Variants in TXNRD3 observed in about 807,000 individuals in gnomAD.
TXNRD3 encodes the protein thioredoxin reductase 3, also known as TXNRD3 neighbor gene protein.
A neutral mutation model predicts 78.2 loss-of-function variants in TXNRD3; 68 were observed. The ratio of observed to expected loss-of-function variants is 0.87; its 90% CI spans 0.72 to 1.06. TXNRD3 has a LOEUF of 1.06. Ranked by LOEUF, TXNRD3 falls within the 50% of genes least tolerant of loss-of-function variation. The pLI is 0.00. For missense variants in TXNRD3, 751 were observed against 809.5 expected (o/e 0.93, Z 0.88); for synonymous variants, 296 against 300.1 (o/e 0.99, Z 0.14).
intron 14 of TXNRD3, chr3:126,609,017 C>T: frequency 4.0e-6 from 1 of 247,158 alleles, no homozygotes. Context: ...TAAGAGGTTG[C>T]TGGCCCAGGA....
intron 6 of TXNRD3, among the ~76,000 whole-genome samples, chr3:126,641,562 C>A (rs535251030): frequency 6.6e-6 from 1 of 152,174 alleles, no homozygotes; most frequent in Non-Finnish European, 1.5e-5. Flanking sequence ...CTCTCTCCCA[C>A]GGACTACATG....
At position 126,636,929 on chromosome 3, in the gene TXNRD3, T is replaced by TTA. The variant is rs553696030; in HGVS notation, c.713-2879_713-2878insTA. ...AAACATGAGGTTTCTTTTGTGATTT[T>TTA]TTTTTTTTTTTAGCTCATCAGCTAT... On this transcript the variant is annotated intron_variant, in intron 6 of 15. Transcript: ENST00000524230. Among the ~76,000 whole-genome samples the TTA allele has an allele frequency of 2.6e-3, 396 of 151,970 alleles. 2 individuals carry two copies. The highest frequency in any genetic ancestry group is 9.2e-3 in the African/African-American group (383 of 41,434).
chr3:126,640,219 C>T (rs1156314765), intron 6 of TXNRD3, among the ~76,000 whole-genome samples: 1 of 41,762 alleles, frequency 2.4e-5, no homozygotes, highest in African/African-American at 5.0e-5. Context: ...ATTCTCCTGC[C>T]TCAGCCTCCC....
intron 13 of TXNRD3, among the ~76,000 whole-genome samples, chr3:126,613,026 C>T (rs1339840043): frequency 2.0e-5 from 3 of 152,200 alleles, no homozygotes; most frequent in Non-Finnish European, 2.9e-5. Context: ...CATGTGATAA[C>T]ATTTCATATT....
chr3:126,610,585 C>T (rs779339998), intron 14 of TXNRD3, among the ~76,000 whole-genome samples: 11 of 152,198 alleles, frequency 7.2e-5, no homozygotes, highest in Non-Finnish European at 1.6e-4. Context: ...GACACACATT[C>T]AGTCTGTTTA....
chr3:126,632,031 A>G, intron 7 of TXNRD3, among the ~76,000 whole-genome samples, 152 bp from the exon 8 acceptor site: 1 of 152,258 alleles, frequency 6.6e-6, no homozygotes, highest in South Asian at 2.1e-4. Context: ...GCACAAGCAC[A>G]GAAAACAGAA....
intron 6 of TXNRD3, among the ~76,000 whole-genome samples, chr3:126,637,559 G>T: frequency 6.6e-6 from 1 of 151,682 alleles, no homozygotes; most frequent in African/African-American, 2.4e-5. Context: ...ATTTTAAATA[G>T]GAAATTCTTA....
Position 126,630,703 on chromosome 3 carries a change from C to A in TXNRD3, c.1197+9G>T. On this transcript the variant is annotated intron_variant, in intron 9 of 15. Coordinates refer to ENST00000524230, the MANE Select transcript of TXNRD3 (RefSeq NM_052883.3). The stretch of plus-strand genomic sequence containing the variant: ...GAGAAAAAAAATTGCAAATGCCATG[C>A]AGCCTTACCATCACAGGTATGAATT... 2.0e-6 allele frequency: 3 copies of A among 1,533,652 alleles called. No homozygotes were observed. Among genetic ancestry groups the A allele is most frequent in the Non-Finnish European group, 2.6e-6 (3 of 1,146,482 alleles).
At chr3:126,634,280 C>T (rs186405234) in intron 6 of TXNRD3, among the ~76,000 whole-genome samples, 178 of 152,178 alleles carry the variant, frequency 1.2e-3, no homozygotes, top group Non-Finnish European at 2.1e-3. Context: ...GGGAAAAGTC[C>T]ATGGAGGAGA....
intron 6 of TXNRD3, among the ~76,000 whole-genome samples, chr3:126,641,222 G>C (rs1187151920): frequency 6.6e-6 from 1 of 152,100 alleles, no homozygotes; most frequent in Non-Finnish European, 1.5e-5. Context: ...TCTTTAGGGA[G>C]TTTTTTTCTG....
chr3:126,608,582 G>A lies in TXNRD3; in HGVS notation c.1780C>T (p.Gln594Ter). The A allele has an allele frequency of 6.5e-7, 1 of 1,535,904 alleles. No individual in the cohort carries two copies. Among genetic ancestry groups the A allele is most frequent in the Non-Finnish European group, 8.7e-7 (1 of 1,146,848 alleles). Residue 594 changes from glutamine to a stop codon, truncating the protein, a stop_gained, in exon 15 of 16, where the codon CAA becomes TAA. Coordinates refer to ENST00000524230, the MANE Select transcript of TXNRD3 (RefSeq NM_052883.3). LOFTEE classifies it high-confidence loss of function. ...CATTTCATTGCAGCTGCAAATCCTT[G>A]GGTAACCTCACCGGCGTTTGGTCCA...
At chr3:126,634,753 C>A (rs1210661111) in intron 6 of TXNRD3, among the ~76,000 whole-genome samples, 1 of 152,106 alleles carries the variant, frequency 6.6e-6, no homozygotes, top group African/African-American at 2.4e-5. Context: ...CAGGGGTCAG[C>A]CCAGCCAGGG....
intron 3 of TXNRD3, among the ~76,000 whole-genome samples, chr3:126,645,145 T>C (rs542837202): frequency 6.6e-6 from 1 of 152,214 alleles, no homozygotes; most frequent in African/African-American, 2.4e-5. Context: ...CCAAATGCCA[T>C]GTGTCCCCAT....
intron 13 of TXNRD3, among the ~76,000 whole-genome samples, chr3:126,614,609 T>C (rs1036964635): frequency 6.6e-6 from 1 of 152,150 alleles, no homozygotes; most frequent in African/African-American, 2.4e-5. Flanking sequence ...AAAATAACAT[T>C]ATAAAGTTTT....
intron 10 of TXNRD3, among the ~76,000 whole-genome samples, chr3:126,626,946 G>A (rs527908624): frequency 1.3e-5 from 2 of 152,160 alleles, no homozygotes; most frequent in Non-Finnish European, 2.9e-5. Flanking sequence ...AAATTAGCCA[G>A]GCATGGTGGC....
chr3:126,654,903 C>T lies in TXNRD3; in HGVS notation c.88G>A (p.Val30Met), dbSNP rs1933477542. Residue 30 changes from valine to methionine, a missense_variant, in exon 1 of 16, where the codon GTG becomes ATG. Transcript: ENST00000524230. ...GCACGGCGCCCCGGCGGCGACAACA[C>T]GCGCGCCCCTCGGACATGGCCCGAG... The T allele has an allele frequency of 1.5e-6, 2 of 1,312,444 alleles. No homozygotes were observed. The highest frequency in any genetic ancestry group is 4.2e-5 in the Admixed American group (1 of 23,808). 81.3% of individuals were successfully genotyped at this position (1,312,444 alleles called of 1,614,324 possible). A position where few individuals can be genotyped will look rare whatever the true frequency, so the allele number is the denominator to read the frequency against.
At chr3:126,629,511 G>T in intron 9 of TXNRD3, 40 bp from the exon 10 acceptor site, 1 of 1,449,556 alleles carries the variant, frequency 6.9e-7, no homozygotes, top group South Asian at 1.2e-5. Flanking sequence ...ATCTAAATAT[G>T]ATAAAAAAGA....
chr3:126,629,534 G>T, intron 9 of TXNRD3, 63 bp from the exon 10 acceptor site: 1 of 1,220,568 alleles, frequency 8.2e-7, no homozygotes, highest in Admixed American at 2.1e-5. Flanking sequence ...TACACGAAAG[G>T]GTCTACACCG....
Position 126,629,415 on chromosome 3 carries a change from A to C in TXNRD3, c.1254T>G (p.Thr418=). The change falls in exon 10 of 16, where the codon ACT becomes ACG. Residue 418 remains threonine (T), a synonymous_variant. Transcript: ENST00000524230. ...CTCCTTCAATTGTTTCTGTTCCTTC[A>C]GTGGATTTAGCCAACACTTTCAGCT... The C allele has an allele frequency of 1.3e-6, 2 of 1,535,592 alleles. No individual in the cohort carries two copies.
Sources: allele counts gnomAD v4.1 joint callset (sites outside exome capture counted in the v4.1 genomes callset), GRCh38; gene constraint gnomAD v4.1.1; transcripts MANE v1.5; gene names NCBI Gene and HGNC (gene_info 2026-07-23, HGNC 2026-07-21).